PRKG1: variants seen among roughly 807,000 people sequenced by gnomAD.
The protein encoded by PRKG1 is cGMP-dependent protein kinase 1.
In PRKG1, 35 loss-of-function variants were observed where a neutral mutation model predicts 88.1. That is an observed-to-expected ratio of 0.40 (90% CI 0.30 to 0.53). The LOEUF is 0.53. Ranked by LOEUF, PRKG1 falls within the 20% of genes least tolerant of loss-of-function variation. The pLI is 0.59. For missense variants in PRKG1, 540 were observed against 839.8 expected, an observed-to-expected ratio of 0.64 and a Z score of 4.41; for synonymous variants, 303 against 292.5, an observed-to-expected ratio of 1.04 and a Z score of -0.37.
At chr10:51,038,167 C>G (rs961898184) in intron 1 of PRKG1, among the ~76,000 whole-genome samples, 1 of 152,140 alleles carries the variant, frequency 6.6e-6, no homozygotes, top group African/African-American at 2.4e-5. Flanking sequence ...TTACTCTACA[C>G]ATTGCGCAAA....
intron 2 of PRKG1, among the ~76,000 whole-genome samples, chr10:51,406,625 T>G (rs978267759): frequency 1.4e-3 from 155 of 108,932 alleles, no homozygotes; most frequent in East Asian, 3.0e-3. Flanking sequence ...ATGTTTGTTT[T>G]TTTTTTTTTT....
chr10:51,465,513 C>CT (rs1336813394), intron 2 of PRKG1, among the ~76,000 whole-genome samples: 1 of 152,086 alleles, frequency 6.6e-6, no homozygotes, highest in Non-Finnish European at 1.5e-5. Flanking sequence ...ACATATTATT[C>CT]TTTGGAGTCT....
chr10:51,016,742 C>T (rs1405514147), intron 1 of PRKG1, among the ~76,000 whole-genome samples: 2 of 126,006 alleles, frequency 1.6e-5, no homozygotes, highest in African/African-American at 6.1e-5. Context: ...GATCTCGGCT[C>T]ACTGGAAACT....
intron 5 of PRKG1, among the ~76,000 whole-genome samples, chr10:52,041,814 C>T (rs1845761099): frequency 6.6e-6 from 1 of 151,888 alleles, no homozygotes; most frequent in African/African-American, 2.4e-5. Flanking sequence ...CCTAAGAGTC[C>T]TTCAGAAATT....
chr10:51,254,744 C>G (rs943498062), intron 2 of PRKG1, among the ~76,000 whole-genome samples: 1 of 151,930 alleles, frequency 6.6e-6, no homozygotes, highest in Non-Finnish European at 1.5e-5. Context: ...TTTCTTTAGA[C>G]TGAAATTATA....
At chr10:52,074,029 A>AATC (rs1846569571) in intron 7 of PRKG1, among the ~76,000 whole-genome samples, 1 of 141,254 alleles carries the variant, frequency 7.1e-6, no homozygotes, top group Non-Finnish European at 1.6e-5. Context: ...TGTACAAAAA[A>AATC]ATTATTGTTG....
chr10:51,381,109 T>TAGCTGGA (rs1287408056), intron 2 of PRKG1, among the ~76,000 whole-genome samples: 1 of 151,274 alleles, frequency 6.6e-6, no homozygotes, highest in African/African-American at 2.4e-5. Context: ...ATACAAAAAT[T>TAGCTGGA]AGCTGGACAT....
At chr10:51,445,901 G>T (rs368270992) in intron 2 of PRKG1, among the ~76,000 whole-genome samples, 4 of 151,460 alleles carry the variant, frequency 2.6e-5, no homozygotes, top group East Asian at 1.9e-4. Flanking sequence ...AAATATCTTC[G>T]CATTAACCTC....
chr10:52,060,632 A>C (rs1846214947), intron 6 of PRKG1, among the ~76,000 whole-genome samples: 1 of 151,948 alleles, frequency 6.6e-6, no homozygotes, highest in Non-Finnish European at 1.5e-5. Context: ...TTTCTGGAAA[A>C]AAATCAGTCT....
chr10:51,197,228 T>C (rs1019420241), intron 2 of PRKG1, among the ~76,000 whole-genome samples: 1 of 152,156 alleles, frequency 6.6e-6, no homozygotes, highest in Non-Finnish European at 1.5e-5. Flanking sequence ...GGAAATAAAA[T>C]ATCTGTTGGT....
At chr10:51,003,793 T>C (rs1233214121) in intron 1 of PRKG1, among the ~76,000 whole-genome samples, 1 of 152,222 alleles carries the variant, frequency 6.6e-6, no homozygotes, top group Non-Finnish European at 1.5e-5. Flanking sequence ...TGGAGGGTTT[T>C]ATTTTTTCAC....
chr10:51,643,417 T>C (rs1839846807), intron 3 of PRKG1, among the ~76,000 whole-genome samples: 1 of 152,216 alleles, frequency 6.6e-6, no homozygotes, highest in African/African-American at 2.4e-5. Flanking sequence ...TACATCTCTC[T>C]AGGAAGTTTT....
chr10:51,170,889 G>C (rs1020917517), intron 2 of PRKG1, among the ~76,000 whole-genome samples: 1 of 152,008 alleles, frequency 6.6e-6, no homozygotes, highest in Admixed American at 6.6e-5. Context: ...AGGAGGATTT[G>C]AGCAAAAGAG....
chr10:51,387,800 G>A (rs961526673), intron 2 of PRKG1, among the ~76,000 whole-genome samples: 32 of 152,070 alleles, frequency 2.1e-4, no homozygotes, highest in African/African-American at 6.0e-4. Context: ...CCTCCATTAT[G>A]TTCTAATATA....
At chr10:51,642,190 G>A (rs911034210) in intron 3 of PRKG1, among the ~76,000 whole-genome samples, 1 of 152,074 alleles carries the variant, frequency 6.6e-6, no homozygotes, top group South Asian at 2.1e-4. Context: ...AGGAGTTTGA[G>A]ACCAGCCTGA....
intron 2 of PRKG1, among the ~76,000 whole-genome samples, chr10:51,169,888 A>G (rs1232813142): frequency 6.6e-6 from 1 of 151,928 alleles, no homozygotes; most frequent in African/African-American, 2.4e-5. Context: ...CTGCTTCCCT[A>G]CTAGATTCTG....
chr10:51,607,846 G>T (rs369213310), intron 3 of PRKG1, among the ~76,000 whole-genome samples: 1 of 152,084 alleles, frequency 6.6e-6, no homozygotes, highest in African/African-American at 2.4e-5. Context: ...TTAAAAAAAA[G>T]AAACTCTTGG....
intron 3 of PRKG1, among the ~76,000 whole-genome samples, chr10:51,748,348 G>A (rs913042754): frequency 3.9e-5 from 6 of 152,172 alleles, no homozygotes; most frequent in African/African-American, 1.4e-4. Flanking sequence ...CTGCCTATGG[G>A]AAGAAAATAT....
intron 9 of PRKG1, among the ~76,000 whole-genome samples, chr10:52,167,962 T>A (rs1838536116): frequency 1.3e-5 from 2 of 152,172 alleles, no homozygotes; most frequent in South Asian, 4.1e-4. Flanking sequence ...GACAGATAGA[T>A]TTTCATCTGT....
Sources: allele counts gnomAD v4.1 joint callset (sites outside exome capture counted in the v4.1 genomes callset), GRCh38; gene constraint gnomAD v4.1.1; transcripts MANE v1.5; gene names NCBI Gene and HGNC (gene_info 2026-07-23, HGNC 2026-07-21).